Variants in TMEM25 observed in about 807,000 individuals in gnomAD.
The protein encoded by TMEM25 is transmembrane protein 25.
In TMEM25, 36 loss-of-function variants were observed where a neutral mutation model predicts 37.0. The ratio of observed to expected loss-of-function variants is 0.97; its 90% confidence interval spans 0.75 to 1.28. The LOEUF (loss-of-function observed/expected upper bound fraction) is 1.28, where lower values mean the gene tolerates loss of function less well. TMEM25 is among the 50% of genes most tolerant of loss of function. The pLI is 0.00. For missense variants in TMEM25, 444 were observed against 477.9 expected (o/e 0.93, Z 0.66); for synonymous variants, 197 against 203.7 (o/e 0.97, Z 0.28).
At chr11:118,531,264 G>A (rs1951236505) in intron 1 of TMEM25, 30 bp downstream of exon 1, 1 of 376,712 alleles carries the variant, frequency 2.7e-6, no homozygotes, top group African/African-American at 2.2e-5. Flanking sequence ...GGGGGCGGGG[G>A]CGGGATGCTC....
chr11:118,532,100 A>T (rs1375037050), intron 2 of TMEM25, 50 bp from the exon 3 acceptor site: 14 of 1,477,552 alleles, frequency 9.5e-6, no homozygotes, highest in Non-Finnish European at 1.3e-5. Context: ...GTCACAGCAC[A>T]GTACCAACCG....
rs782227074 is a variant in TMEM25, at chr11:118,534,760, C to T, written c.*180C>T. On this transcript the variant is annotated 3_prime_UTR_variant, in exon 9 of 9. Coordinates refer to ENST00000313236, the MANE Select transcript of TMEM25 (RefSeq NM_032780.4). The surrounding 1 kb of genome is among the most constrained non-coding windows in gnomAD (Gnocchi z 4.6). ...TGATGCATTTCACTGGGCTGTAACC[C>T]GCAGGGGCACAGGTATCTTTGGCAA... 45 of 1,425,438 alleles carry T rather than the reference C, an allele frequency of 3.2e-5. No homozygotes were observed. Among genetic ancestry groups the T allele is most frequent in the Admixed American group, 1.6e-4 (6 of 36,592 alleles). 88.3% of individuals were successfully genotyped at this position (1,425,438 alleles called of 1,614,324 possible).
At position 118,532,294 on chromosome 11, in the gene TMEM25, A is replaced by G. The variant is rs782405715; in HGVS notation, c.215A>G (p.Gln72Arg). Residue 72 changes from glutamine to arginine, a missense_variant, in exon 3 of 9, where the codon CAG (glutamine) becomes CGG (arginine). Gln to Arg is a conservative substitution (Grantham distance 43). Coordinates refer to ENST00000313236, the MANE Select transcript of TMEM25 (RefSeq NM_032780.4). ...RLAWYLDGQL[Q>R]EASTSRLLSV... Reference sequence around the variant, plus strand: ...GCCTGGTATCTGGATGGACAGCTGCAGGAGGCCAGCACCTCAAGACTGCTG... The same window carrying G: ...GCCTGGTATCTGGATGGACAGCTGCGGGAGGCCAGCACCTCAAGACTGCTG... 1 of 1,614,190 alleles carries G rather than the reference A, an allele frequency of 6.2e-7. No individual in the cohort carries two copies. Among genetic ancestry groups the G allele is most frequent in the East Asian group, 2.2e-5 (1 of 44,874 alleles).
chr11:118,543,144 T>TA (rs782285972), intron 8 of TMEM25, among the ~76,000 whole-genome samples: 1 of 151,518 alleles, frequency 6.6e-6, no homozygotes, highest in Non-Finnish European at 1.5e-5. Context: ...TCGGGAGGCA[T>TA]AGGCAGGAGA....
At chr11:118,546,448 G>T in exon 9 of TMEM25, 1 of 374,976 alleles carries the variant, frequency 2.7e-6, no homozygotes. Flanking sequence ...CTGAGATTGA[G>T]CTACTGCACT....
chr11:118,539,939 T>C (rs868960982), downstream of TMEM25, among the ~76,000 whole-genome samples: 11 of 147,394 alleles, frequency 7.5e-5, no homozygotes, highest in Middle Eastern at 3.4e-3. Context: ...GAGAATTGCT[T>C]GAACCCGGGA....
Position 118,533,045 on chromosome 11 carries a change from C to CCAGTGACTG in TMEM25, c.512_520dup (p.Thr173_Val174insAlaValThr). 1 of 1,614,198 alleles carries CCAGTGACTG rather than the reference C, an allele frequency of 6.2e-7. No homozygotes were observed. Among genetic ancestry groups the CCAGTGACTG allele is most frequent in the Non-Finnish European group, 8.5e-7 (1 of 1,180,040 alleles). ...TGTCACCTGGATCGACCAGGATGGG[C>CCAGTGACTG]CAGTGACTGTCAACACCTCTGACTT... On this transcript the variant is annotated inframe_insertion, in exon 4 of 9. Transcript: ENST00000313236.
At chr11:118,544,775 C>T (rs1951635022) in intron 8 of TMEM25, 3 of 641,712 alleles carry the variant, frequency 4.7e-6, no homozygotes, top group Non-Finnish European at 8.4e-6. Flanking sequence ...TGCCCTCTGG[C>T]AGAGAGGGCA....
chr11:118,545,301 G>C, intron 8 of TMEM25: 1 of 865,758 alleles, frequency 1.2e-6, no homozygotes, highest in Non-Finnish European at 1.9e-6. Context: ...AGGTAACTGG[G>C]CAGAGACATC....
At position 118,534,874 on chromosome 11, in the gene TMEM25, C is replaced by T. The variant is rs1327346805; in HGVS notation, c.*294C>T. 7.8e-7 allele frequency: 1 copy of T among 1,277,680 alleles called. No homozygotes were observed. Among genetic ancestry groups the T allele is most frequent in the African/African-American group, 1.5e-5 (1 of 66,080 alleles). The allele number at this position is 1,277,680 out of a possible 1,614,324, so 79.1% of individuals were successfully genotyped here. A position where few individuals can be genotyped will look rare whatever the true frequency, so the allele number is the denominator to read the frequency against. Reference sequence around the variant, plus strand: ...GCCCTTCCAGAGGGAGCTCTTTGGCCAGGGGTGTTCAGATGTCATCCAGCA... The same window carrying T: ...GCCCTTCCAGAGGGAGCTCTTTGGCTAGGGGTGTTCAGATGTCATCCAGCA... On this transcript the variant is annotated 3_prime_UTR_variant, in exon 9 of 9. Coordinates refer to ENST00000313236, the MANE Select transcript of TMEM25 (RefSeq NM_032780.4). The surrounding 1 kb of genome is among the most constrained non-coding windows in gnomAD (Gnocchi z 4.6).
Position 118,541,377 on chromosome 11 carries a change from G to A in TMEM25, c.1028-4742G>A, listed in dbSNP as rs1457568641. Among the ~76,000 whole-genome samples, 3 of 149,922 alleles carry A rather than the reference G, an allele frequency of 2.0e-5. No individual in the cohort carries two copies. The East Asian group carries it at 6.0e-4, about 30-fold the overall frequency. On this transcript the variant is annotated intron_variant, in intron 8 of 8. Coordinates refer to the TMEM25 transcript ENST00000354284. ...CTCGGGAGGCTGAGGCAGGAGAATG[G>A]CTTGAACCTGGGAGGCGGAGCTTGC...
downstream of TMEM25, among the ~76,000 whole-genome samples, chr11:118,536,510 A>G (rs1591347834): frequency 6.6e-6 from 1 of 152,198 alleles, no homozygotes; most frequent in African/African-American, 2.4e-5. Context: ...TGTTTTTTAA[A>G]TGAAGTTTTC....
chr11:118,543,201 T>A (rs1951603830), intron 8 of TMEM25, among the ~76,000 whole-genome samples: 1 of 152,130 alleles, frequency 6.6e-6, no homozygotes, highest in South Asian at 2.1e-4. Flanking sequence ...CTCAGTTTTG[T>A]CAGCTCAAAG....
chr11:118,534,631 C>A lies in TMEM25; in HGVS notation c.*51C>A, dbSNP rs782646518. The A allele has an allele frequency of 6.2e-7, 1 of 1,600,274 alleles. No individual in the cohort carries two copies. The highest frequency in any genetic ancestry group is 8.5e-7 in the Non-Finnish European group (1 of 1,170,898). Reference sequence around the variant, plus strand: ...CTTGGCCTCTGGACACCCTCCCGTTCCTCCAAGGCATCCTCTACCTAGCTA... The same window carrying A: ...CTTGGCCTCTGGACACCCTCCCGTTACTCCAAGGCATCCTCTACCTAGCTA... On this transcript the variant is annotated 3_prime_UTR_variant, in exon 9 of 9. Coordinates refer to ENST00000313236, the MANE Select transcript of TMEM25 (RefSeq NM_032780.4). This position sits in a 1 kb window ranked among gnomAD's most constrained non-coding sequence, Gnocchi z 4.6.
At chr11:118,543,389 C>T (rs1555066198) in intron 8 of TMEM25, among the ~76,000 whole-genome samples, 1 of 152,166 alleles carries the variant, frequency 6.6e-6, no homozygotes, top group Non-Finnish European at 1.5e-5. Context: ...CCAGCGCCGG[C>T]AATGACTACC....
exon 9 of TMEM25, chr11:118,546,181 G>A (rs1555067105): frequency 2.8e-6 from 2 of 718,218 alleles, no homozygotes; most frequent in African/African-American, 1.7e-5. Flanking sequence ...ACAGAAGATG[G>A]CCAAGAAGAG....
chr11:118,541,328 G>A (rs1012819473), intron 8 of TMEM25, among the ~76,000 whole-genome samples: 9 of 151,912 alleles, frequency 5.9e-5, no homozygotes, highest in African/African-American at 4.8e-5. Context: ...CGAGTGTGGT[G>A]GTGGGCACCT....
At chr11:118,543,603 A>T (rs1226609101) in intron 8 of TMEM25, among the ~76,000 whole-genome samples, 1 of 147,836 alleles carries the variant, frequency 6.8e-6, no homozygotes, top group African/African-American at 2.5e-5. Flanking sequence ...TTCTCCTGTC[A>T]GCCTCCCGAG....
Position 118,535,219 on chromosome 11 carries a change from G to T in TMEM25, c.*639G>T. On this transcript the variant is annotated 3_prime_UTR_variant, in exon 9 of 9. Transcript: ENST00000313236. The stretch of plus-strand genomic sequence containing the variant: ...TCCTCTTGGGAATTCTAGGTTACAC[G>T]TTGGACCTTCTCTACTACTTCACTG... 1 of 1,113,484 alleles carries T rather than the reference G, an allele frequency of 9.0e-7. No homozygotes were observed. The highest frequency in any genetic ancestry group is 1.1e-6 in the Non-Finnish European group (1 of 912,128). 69.0% of individuals were successfully genotyped at this position (1,113,484 alleles called of 1,614,324 possible). A position where few individuals can be genotyped will look rare whatever the true frequency, so the allele number is the denominator to read the frequency against.
Sources: allele counts gnomAD v4.1 joint callset (sites outside exome capture counted in the v4.1 genomes callset), GRCh38; gene constraint gnomAD v4.1.1; non-coding constraint Gnocchi (gnomAD v3.1); transcripts MANE v1.5; gene names NCBI Gene and HGNC (gene_info 2026-07-23, HGNC 2026-07-21).